Variants in PRKCH observed in about 807,000 individuals in gnomAD.
The protein encoded by PRKCH is protein kinase C eta.
PRKCH carries 28 observed loss-of-function variants against 82.5 expected under a neutral mutation model. The observed-to-expected ratio is 0.34, with a 90% confidence interval of 0.25 to 0.47. The LOEUF (loss-of-function observed/expected upper bound fraction) is 0.47, where lower values mean the gene tolerates loss of function less well. Ranked by LOEUF, PRKCH falls within the 20% of genes least tolerant of loss-of-function variation. The pLI, the probability that PRKCH is intolerant of heterozygous loss-of-function variation, is 1.00. For synonymous variants in PRKCH, 322 were observed against 327.4 expected (o/e 0.98, Z 0.18); for missense variants, 705 against 881.8 (o/e 0.80, Z 2.54).
intron 1 of PRKCH, among the ~76,000 whole-genome samples, chr14:61,357,871 G>A (rs945746832): frequency 4.0e-5 from 6 of 151,888 alleles, no homozygotes; most frequent in African/African-American, 4.8e-5. Context: ...TCTGGCCTTG[G>A]GACTTCATCT....
intron 2 of PRKCH, among the ~76,000 whole-genome samples, chr14:61,399,568 A>T (rs961080388): frequency 3.3e-5 from 5 of 152,220 alleles, no homozygotes; most frequent in Admixed American, 1.3e-4. Flanking sequence ...GAGTAAGATA[A>T]TTCCTTTTGT....
intron 7 of PRKCH, among the ~76,000 whole-genome samples, chr14:61,453,751 T>G (rs2140290563): frequency 6.6e-6 from 1 of 152,018 alleles, no homozygotes; most frequent in East Asian, 2.0e-4. Context: ...CTGCCTAGGC[T>G]CAAGTGATCC....
intron 1 of PRKCH, among the ~76,000 whole-genome samples, chr14:61,351,152 T>C (rs1225347759): frequency 6.6e-6 from 1 of 152,228 alleles, no homozygotes; most frequent in Non-Finnish European, 1.5e-5. Context: ...TAAAAAGCTT[T>C]AAGAGAGCTA....
intron 1 of PRKCH, among the ~76,000 whole-genome samples, chr14:61,287,464 G>T (rs1316047092): frequency 6.6e-6 from 1 of 151,352 alleles, no homozygotes; most frequent in South Asian, 2.1e-4. Context: ...TAATCCCAGC[G>T]CTTTGAGAGG....
intron 1 of PRKCH, among the ~76,000 whole-genome samples, chr14:61,229,109 T>G (rs751991161): frequency 6.6e-6 from 1 of 152,058 alleles, no homozygotes; most frequent in African/African-American, 2.4e-5. Flanking sequence ...AAGAGAACAT[T>G]CTCATAGTAT....
rs546888582 is a variant in PRKCH at position 61,424,350 on chromosome 14, T to C, written c.428-18761T>C. 4.9e-4 allele frequency among the ~76,000 whole-genome samples: 75 copies of C among 152,298 alleles called. No homozygotes were observed. The South Asian group carries it at 0.015, about 30-fold the overall frequency. ...GGGCTCAGAAGAATATAGGAAGATG[T>C]GGAAAAGTTTGGAACTTCCTAGAGA... On this transcript the variant is annotated intron_variant, in intron 2 of 13. Coordinates refer to ENST00000332981, the MANE Select transcript of PRKCH (RefSeq NM_006255.5).
chr14:61,347,193 G>T (rs1030972405), intron 1 of PRKCH, among the ~76,000 whole-genome samples: 1 of 152,078 alleles, frequency 6.6e-6, no homozygotes, highest in Non-Finnish European at 1.5e-5. Flanking sequence ...AAGGTGGTTT[G>T]GTTTGTGCCA....
At chr14:61,472,295 G>A (rs1372160564) in intron 9 of PRKCH, among the ~76,000 whole-genome samples, 1 of 152,200 alleles carries the variant, frequency 6.6e-6, no homozygotes, top group East Asian at 1.9e-4. Context: ...AGCTTGTCTT[G>A]TTTTAGCATT....
intron 12 of PRKCH, among the ~76,000 whole-genome samples, chr14:61,542,291 T>TA (rs1566936396): frequency 0.02 from 2,900 of 148,644 alleles, 108 homozygotes; most frequent in African/African-American, 0.071. Context: ...AGACTCCATA[T>TA]CAAAAAAAAA....
At chr14:61,443,026 C>A in intron 2 of PRKCH, 85 bp from the exon 3 acceptor site, 1 of 1,303,950 alleles carries the variant, frequency 7.7e-7, no homozygotes, top group South Asian at 1.4e-5. Context: ...GAGGAGTGAG[C>A]ACTTGAACTA....
chr14:61,490,916 T>G (rs965544488), intron 10 of PRKCH, among the ~76,000 whole-genome samples: 3 of 151,992 alleles, frequency 2.0e-5, no homozygotes, highest in Admixed American at 2.0e-4. Flanking sequence ...AGACCCTGTC[T>G]CAAAAAAACA....
At chr14:61,525,650 T>A (rs1175036307) in intron 10 of PRKCH, 1 of 152,238 alleles carries the variant, frequency 6.6e-6, no homozygotes, top group East Asian at 1.9e-4. Flanking sequence ...ACCTGGGACA[T>A]TAGTCACAAG....
intron 1 of PRKCH, chr14:61,348,054 T>C (rs1310745775): frequency 6.6e-6 from 1 of 152,250 alleles, no homozygotes; most frequent in Non-Finnish European, 1.5e-5. Flanking sequence ...TCCTTCCTTC[T>C]TTCTGGTAAG....
chr14:61,389,622 G>T (rs777413059), intron 1 of PRKCH, among the ~76,000 whole-genome samples: 4 of 151,834 alleles, frequency 2.6e-5, no homozygotes, highest in Non-Finnish European at 4.4e-5. Context: ...AATCGCTTGA[G>T]GCTGGGAGTT....
At chr14:61,529,333 G>GGTGT in intron 11 of PRKCH, 120 bp downstream of exon 11, 4 of 1,245,164 alleles carry the variant, frequency 3.2e-6, no homozygotes, top group Non-Finnish European at 4.4e-6. Context: ...GGTGTCTAGA[G>GGTGT]CCGACACCTC....
intron 12 of PRKCH, among the ~76,000 whole-genome samples, chr14:61,546,068 G>T (rs1238852859): frequency 2.0e-5 from 3 of 152,212 alleles, no homozygotes; most frequent in Non-Finnish European, 4.4e-5. Flanking sequence ...TCTTAGAATA[G>T]CAACTGCTCT....
intron 1 of PRKCH, among the ~76,000 whole-genome samples, chr14:61,248,164 G>C (rs1030792160): frequency 2.0e-5 from 3 of 152,046 alleles, no homozygotes; most frequent in Non-Finnish European, 2.9e-5. Flanking sequence ...ATATCCTCTA[G>C]ATGTCTTTAT....
chr14:61,446,837 T>C (rs1884248834), intron 4 of PRKCH, among the ~76,000 whole-genome samples: 1 of 152,262 alleles, frequency 6.6e-6, no homozygotes, highest in Admixed American at 6.5e-5. Flanking sequence ...AAGCTCTGGA[T>C]AAACAAGATT....
intron 1 of PRKCH, among the ~76,000 whole-genome samples, chr14:61,355,991 C>T (rs1463526488): frequency 6.6e-6 from 1 of 152,182 alleles, no homozygotes; most frequent in African/African-American, 2.4e-5. Flanking sequence ...GCCTGGAAAA[C>T]AGCCTGCCGA....
Sources: allele counts gnomAD v4.1 joint callset (sites outside exome capture counted in the v4.1 genomes callset), GRCh38; gene constraint gnomAD v4.1.1; transcripts MANE v1.5; gene names NCBI Gene and HGNC (gene_info 2026-07-23, HGNC 2026-07-21).